Variants in ATXN1 observed in about 807,000 individuals in gnomAD.
The protein encoded by ATXN1 is ataxin 1, also known as ataxin-1.
A neutral mutation model predicts 56.4 loss-of-function variants in ATXN1; 8 were observed. The observed-to-expected ratio is 0.14, with a 90% CI of 0.08 to 0.26. The LOEUF (loss-of-function observed/expected upper bound fraction) is 0.26, where lower values mean the gene tolerates loss of function less well. Among genes scored for constraint, ATXN1 ranks in the 10% least tolerant of loss-of-function variants. The probability of loss-of-function intolerance (pLI) is 1.00; values close to 1 mark genes in which losing one functional copy is unlikely to be tolerated. For missense variants in ATXN1, 987 were observed against 1,106.5 expected (o/e 0.89, Z 1.53); for synonymous variants, 514 against 494.6 (o/e 1.04, Z -0.52).
rs760499578 is a variant in ATXN1, at chr6:16,405,808, G to A, written c.-160-77338C>T. Among the ~76,000 whole-genome samples the A allele has an allele frequency of 4.1e-4, 62 of 152,204 alleles. 1 individual carries two copies. Among genetic ancestry groups the A allele is most frequent in the Non-Finnish European group, 7.6e-4 (52 of 68,010 alleles). On this transcript the variant is annotated intron_variant, in intron 6 of 7. Transcript: ENST00000436367. Reference sequence around the variant, plus strand: ...GCGAAGTACTGCTAATGTCCTTTACGCTCATGAAATCAGTGCTCAGCTGAA... The same window carrying A: ...GCGAAGTACTGCTAATGTCCTTTACACTCATGAAATCAGTGCTCAGCTGAA...
chr6:16,373,503 G>T (rs1356320013), intron 6 of ATXN1, among the ~76,000 whole-genome samples: 1 of 152,138 alleles, frequency 6.6e-6, no homozygotes, highest in African/African-American at 2.4e-5. Flanking sequence ...ATCTGATCAG[G>T]TTAGGGCATG....
At chr6:16,756,145 A>G (rs1760879890) in intron 1 of ATXN1, among the ~76,000 whole-genome samples, 1 of 152,056 alleles carries the variant, frequency 6.6e-6, no homozygotes, top group East Asian at 1.9e-4. Context: ...CCATAAATAT[A>G]ATTATAAAAG....
At chr6:16,563,533 A>G (rs1409969151) in intron 4 of ATXN1, among the ~76,000 whole-genome samples, 1 of 152,178 alleles carries the variant, frequency 6.6e-6, no homozygotes, top group Non-Finnish European at 1.5e-5. Context: ...AGGGCTCACA[A>G]TAAGGAGACA....
intron 4 of ATXN1, among the ~76,000 whole-genome samples, chr6:16,566,644 G>A (rs551037511): frequency 6.6e-6 from 1 of 151,984 alleles, no homozygotes; most frequent in Non-Finnish European, 1.5e-5. Context: ...ACGAGGTCAG[G>A]AGATCAAGAC....
intron 3 of ATXN1, among the ~76,000 whole-genome samples, chr6:16,638,594 A>G (rs1009140785): frequency 5.9e-5 from 9 of 152,152 alleles, no homozygotes; most frequent in Non-Finnish European, 8.8e-5. Flanking sequence ...ATGCATGCAC[A>G]CATCACAGTG....
At chr6:16,454,149 A>AC (rs1759818918) in intron 6 of ATXN1, among the ~76,000 whole-genome samples, 1 of 133,472 alleles carries the variant, frequency 7.5e-6, no homozygotes, top group African/African-American at 2.7e-5. Context: ...AAAAAAAAAA[A>AC]AAAAACAGAA....
At chr6:16,504,014 T>A (rs1028882051) in intron 5 of ATXN1, among the ~76,000 whole-genome samples, 1 of 152,190 alleles carries the variant, frequency 6.6e-6, no homozygotes, top group African/African-American at 2.4e-5. Context: ...AATTGAATGA[T>A]CTAGGGTGTG....
chr6:16,730,291 T>C (rs1759940341), intron 2 of ATXN1, among the ~76,000 whole-genome samples: 1 of 152,004 alleles, frequency 6.6e-6, no homozygotes, highest in Non-Finnish European at 1.5e-5. Context: ...CCAAAATAAA[T>C]AAATTAATAA....
At chr6:16,738,408 T>G (rs1412208979) in intron 2 of ATXN1, 2 of 152,112 alleles carry the variant, frequency 1.3e-5, no homozygotes, top group Non-Finnish European at 2.9e-5. Context: ...TTATGGAATT[T>G]CAACAATTGG....
intron 3 of ATXN1, among the ~76,000 whole-genome samples, chr6:16,606,928 G>A (rs1046374484): frequency 9.2e-6 from 1 of 108,640 alleles, no homozygotes; most frequent in African/African-American, 3.2e-5. Context: ...CTCTTATTGC[G>A]CAGGCTGGAG....
chr6:16,364,550 G>A (rs1325058417), intron 6 of ATXN1, among the ~76,000 whole-genome samples: 3 of 152,108 alleles, frequency 2.0e-5, no homozygotes, highest in Non-Finnish European at 2.9e-5. Context: ...TGATCTGCCC[G>A]CCTCAGCCTC....
intron 6 of ATXN1, among the ~76,000 whole-genome samples, chr6:16,336,569 G>A (rs1421463842): frequency 6.6e-6 from 1 of 152,190 alleles, no homozygotes; most frequent in Non-Finnish European, 1.5e-5. Flanking sequence ...ACTGCAGAAG[G>A]AGCCTCTGGC....
intron 2 of ATXN1, among the ~76,000 whole-genome samples, chr6:16,678,040 C>T (rs1193632693): frequency 2.6e-5 from 4 of 152,188 alleles, no homozygotes; most frequent in Admixed American, 6.5e-5. Context: ...CTAGCAATAA[C>T]CTCAGAGCTA....
chr6:16,611,974 C>T (rs1763116651), intron 3 of ATXN1, among the ~76,000 whole-genome samples: 2 of 148,936 alleles, frequency 1.3e-5, no homozygotes, highest in Admixed American at 1.4e-4. Flanking sequence ...ATTCTCCTGC[C>T]TCAGCCTTTC....
At chr6:16,484,493 AT>A (rs747567594) in intron 6 of ATXN1, among the ~76,000 whole-genome samples, 1 of 152,132 alleles carries the variant, frequency 6.6e-6, no homozygotes, top group East Asian at 1.9e-4. Flanking sequence ...CTTGCAAAAT[AT>A]TGTTTTATGG....
chr6:16,606,452 C>G (rs557856382), intron 3 of ATXN1, among the ~76,000 whole-genome samples: 1 of 151,800 alleles, frequency 6.6e-6, no homozygotes, highest in Non-Finnish European at 1.5e-5. Flanking sequence ...AGCTCTGGAG[C>G]CATGCAGGGG....
intron 6 of ATXN1, among the ~76,000 whole-genome samples, chr6:16,480,154 C>CAAAAAAAAAAAAAAAAAAAAAAA (rs60209783): frequency 1.3e-5 from 1 of 79,108 alleles, no homozygotes; most frequent in Non-Finnish European, 2.5e-5. Context: ...ACTTCATCTG[C>CAAAAAAAAAAAAAAAAAAAAAAA]AAAAAAAAAA....
chr6:16,389,280 T>C (rs1218021086), intron 6 of ATXN1, among the ~76,000 whole-genome samples: 1 of 144,208 alleles, frequency 6.9e-6, no homozygotes, highest in Non-Finnish European at 1.5e-5. Flanking sequence ...GAGGTTGTAG[T>C]GAGTGGAGAT....
intron 6 of ATXN1, among the ~76,000 whole-genome samples, chr6:16,348,302 C>T (rs931495023): frequency 6.6e-5 from 10 of 152,096 alleles, no homozygotes; most frequent in African/African-American, 1.4e-4. Flanking sequence ...TGGGCTTAAG[C>T]GATCCTCCCA....
Sources: allele counts gnomAD v4.1 joint callset (sites outside exome capture counted in the v4.1 genomes callset), GRCh38; gene constraint gnomAD v4.1.1; transcripts MANE v1.5; gene names NCBI Gene and HGNC (gene_info 2026-07-23, HGNC 2026-07-21).